Variants in SMURF2 observed in about 807,000 individuals in gnomAD.
The protein encoded by SMURF2 is SMAD specific E3 ubiquitin protein ligase 2.
Under a neutral mutation model 109.6 loss-of-function variants are expected in SMURF2, and 48 were observed. That is an observed-to-expected ratio of 0.44 (90% CI 0.35 to 0.56). The LOEUF (loss-of-function observed/expected upper bound fraction) is 0.56, where lower values mean the gene tolerates loss of function less well. Ranked by LOEUF, SMURF2 falls within the 20% of genes least tolerant of loss-of-function variation. The pLI is 0.01. For missense variants in SMURF2, 575 were observed against 909.0 expected, an observed-to-expected ratio of 0.63 and a Z score of 4.72; for synonymous variants, 288 against 317.1, an observed-to-expected ratio of 0.91 and a Z score of 0.97.
chr17:64,593,573 C>A lies in SMURF2; in HGVS notation c.201G>T (p.Leu67=). 1 of 1,537,102 alleles carries A rather than the reference C, an allele frequency of 6.5e-7. No individual in the cohort carries two copies. Among genetic ancestry groups the A allele is most frequent in the Non-Finnish European group, 8.8e-7 (1 of 1,136,598 alleles). Residue 67 remains leucine, a splice_region_variant and synonymous_variant, in exon 4 of 19, where the codon CTG becomes CTT. Transcript: ENST00000262435. The part of the protein sequence containing the change: ...LDPKWNQHYD[L]YIGKSDSVTI... ...TAACTGAATCAGACTTTCCAATATA[C>A]CTAAAAAACAAAACGGCTGCATGAG...
intron 3 of SMURF2, among the ~76,000 whole-genome samples, chr17:64,594,894 G>A (rs539470575): frequency 6.6e-6 from 1 of 152,188 alleles, no homozygotes; most frequent in East Asian, 1.9e-4. Flanking sequence ...GGAGGCTGAG[G>A]CAGGAGAATC....
intron 1 of SMURF2, among the ~76,000 whole-genome samples, chr17:64,641,879 T>C (rs1386695922): frequency 6.6e-5 from 10 of 152,208 alleles, no homozygotes; most frequent in Non-Finnish European, 1.2e-4. Flanking sequence ...CAATCTCGGC[T>C]CACTGCAACC....
intron 4 of SMURF2, among the ~76,000 whole-genome samples, 158 bp from the exon 5 acceptor site, chr17:64,591,307 C>T (rs1202161512): frequency 5.3e-5 from 8 of 152,272 alleles, no homozygotes; most frequent in African/African-American, 1.9e-4. Context: ...TATTACATTG[C>T]CAACATGCAG....
chr17:64,636,823 C>G (rs1970423337), intron 1 of SMURF2, among the ~76,000 whole-genome samples: 1 of 151,262 alleles, frequency 6.6e-6, no homozygotes, highest in Non-Finnish European at 1.5e-5. Flanking sequence ...ATTCTGTATA[C>G]TAGACCCTTA....
At chr17:64,556,683 C>A (rs1969124393) in intron 13 of SMURF2, among the ~76,000 whole-genome samples, 1 of 152,152 alleles carries the variant, frequency 6.6e-6, no homozygotes. Context: ...AGAACCTTCA[C>A]CTCAAAATCC....
At chr17:64,642,439 T>C (rs756036960) in intron 1 of SMURF2, among the ~76,000 whole-genome samples, 19 of 152,186 alleles carry the variant, frequency 1.2e-4, no homozygotes, top group African/African-American at 4.6e-4. Flanking sequence ...CACTATATAA[T>C]CCTACTAAAT....
At chr17:64,606,474 G>A (rs1969972816) in intron 2 of SMURF2, 128 bp downstream of exon 2, 9 of 729,854 alleles carry the variant, frequency 1.2e-5, no homozygotes, top group East Asian at 5.9e-5. Context: ...GCTCTGAACC[G>A]AAGCATTCAT....
intron 12 of SMURF2, among the ~76,000 whole-genome samples, chr17:64,560,050 C>A (rs1555684400): frequency 6.6e-6 from 1 of 151,406 alleles, no homozygotes; most frequent in Non-Finnish European, 1.5e-5. Flanking sequence ...CTGCACCTGG[C>A]CAAATTTTTT....
chr17:64,575,691 G>A lies in SMURF2; in HGVS notation c.857+2801C>T, dbSNP rs192717268. 3.9e-5 allele frequency among the ~76,000 whole-genome samples: 6 copies of A among 151,942 alleles called. No homozygotes were observed. In the East Asian group the frequency reaches 9.7e-4, roughly 24 times the overall value. ...ATTCAAATACACAATAGAGTCCTGA[G>A]CATAAGCTTTAGGCAGGAAAAAAAA... is the stretch of plus-strand genomic sequence containing the variant. On this transcript the variant is annotated intron_variant, in intron 9 of 18. Transcript: ENST00000262435.
intron 2 of SMURF2, among the ~76,000 whole-genome samples, chr17:64,604,602 A>G (rs1969943628): frequency 6.6e-6 from 1 of 152,150 alleles, no homozygotes; most frequent in South Asian, 2.1e-4. Context: ...TGAAGATTTT[A>G]TCTTCAAAAC....
At chr17:64,551,812 T>C (rs1437661615) in intron 15 of SMURF2, 108 bp from the exon 16 acceptor site, 2 of 1,376,638 alleles carry the variant, frequency 1.5e-6, no homozygotes, top group Non-Finnish European at 2.0e-6. Flanking sequence ...GCATCTAACA[T>C]TAACGGTTTA....
intron 11 of SMURF2, 39 bp downstream of exon 11, chr17:64,562,730 GAA>G: frequency 6.5e-7 from 1 of 1,534,444 alleles, no homozygotes. Context: ...TGGGTTTCTG[GAA>G]AAAAAAATAG....
intron 1 of SMURF2, among the ~76,000 whole-genome samples, chr17:64,613,672 C>CTGTGTGTGTGTGTG (rs1568195473): frequency 1.9e-5 from 1 of 53,690 alleles, no homozygotes; most frequent in African/African-American, 7.4e-5. Context: ...TTCCACGGAC[C>CTGTGTGTGTGTGTG]AGTGTGTGTG....
At chr17:64,577,260 T>C (rs1969506184) in intron 9 of SMURF2, among the ~76,000 whole-genome samples, 1 of 152,002 alleles carries the variant, frequency 6.6e-6, no homozygotes, top group African/African-American at 2.4e-5. Context: ...TGTAGGGACA[T>C]GGATGAAGCT....
chr17:64,611,182 C>A (rs781996433), intron 1 of SMURF2, among the ~76,000 whole-genome samples: 2 of 152,150 alleles, frequency 1.3e-5, no homozygotes, highest in Admixed American at 6.5e-5. Context: ...TGCAATTATA[C>A]GTAAACTGTT....
At chr17:64,611,378 C>T (rs1970042416) in intron 1 of SMURF2, among the ~76,000 whole-genome samples, 1 of 152,030 alleles carries the variant, frequency 6.6e-6, no homozygotes, top group Non-Finnish European at 1.5e-5. Context: ...TTCATAAAAC[C>T]CGATCCTTAG....
chr17:64,627,700 A>G (rs1970286405), intron 1 of SMURF2, among the ~76,000 whole-genome samples: 1 of 152,172 alleles, frequency 6.6e-6, no homozygotes, highest in Non-Finnish European at 1.5e-5. Flanking sequence ...CAGGTATATC[A>G]CATACAAAAC....
intron 9 of SMURF2, among the ~76,000 whole-genome samples, chr17:64,574,259 A>G (rs1053376433): frequency 2.0e-5 from 3 of 152,252 alleles, no homozygotes; most frequent in African/African-American, 7.2e-5. Context: ...ACTGATTAAA[A>G]GAGCAAAACA....
intron 3 of SMURF2, 37 bp downstream of exon 3, chr17:64,598,345 T>C (rs1969846090): frequency 7.0e-7 from 1 of 1,427,704 alleles, no homozygotes; most frequent in Non-Finnish European, 9.7e-7. Flanking sequence ...AATAATTTAA[T>C]GATATGTTCC....
Sources: gnomAD v4.1 joint callset for allele counts (sites outside exome capture counted in the v4.1 genomes callset) on GRCh38, gnomAD v4.1.1 for gene constraint, MANE v1.5 for transcripts, NCBI Gene and HGNC (gene_info 2026-07-23, HGNC 2026-07-21) for gene names.